The following RUNX1T1 variants were observed in gnomAD, a reference collection of about 807,000 sequenced individuals.
RUNX1T1 encodes the protein RUNX1 partner transcriptional co-repressor 1.
RUNX1T1 carries 4 observed loss-of-function variants against 62.8 expected under a neutral mutation model. That is an observed-to-expected ratio of 0.06 (90% CI 0.03 to 0.15). The LOEUF is 0.15. Among genes scored for constraint, RUNX1T1 ranks in the 10% least tolerant of loss-of-function variants. The pLI is 1.00. For missense variants in RUNX1T1, 508 were observed against 754.3 expected (o/e 0.67, Z 3.82); for synonymous variants, 291 against 286.0 (o/e 1.02, Z -0.18).
chr8:91,970,832 C>G (rs1283008384), exon 10 of RUNX1T1: 1 of 1,609,456 alleles, frequency 6.2e-7, no homozygotes, highest in Non-Finnish European at 8.5e-7. Context: ...GGCGCTTCAC[C>G]TCATTGACGG....
At chr8:92,034,868 T>C (rs370569444) in intron 1 of RUNX1T1, among the ~76,000 whole-genome samples, 20 of 126,876 alleles carry the variant, frequency 1.6e-4, no homozygotes, top group Non-Finnish European at 3.0e-4. Flanking sequence ...TTAAAAACAA[T>C]CAAATCATGT....
At chr8:92,005,486 G>C (rs1180103678) in intron 4 of RUNX1T1, 189 bp from the exon 6 acceptor site, 1 of 552,832 alleles carries the variant, frequency 1.8e-6, no homozygotes, top group Non-Finnish European at 3.1e-6. Flanking sequence ...ATTGCCCTAA[G>C]TGTGAGGTGA....
At chr8:92,040,607 G>T (rs1290109313) in intron 1 of RUNX1T1, among the ~76,000 whole-genome samples, 1 of 152,188 alleles carries the variant, frequency 6.6e-6, no homozygotes, top group African/African-American at 2.4e-5. Context: ...TGAACCAACT[G>T]GGAGTTAGGT....
chr8:92,096,450 GGA>G (rs1837754944), intron 1 of RUNX1T1, among the ~76,000 whole-genome samples: 1 of 152,348 alleles, frequency 6.6e-6, no homozygotes, highest in South Asian at 2.1e-4. Flanking sequence ...GGGTCAGGAA[GGA>G]GACACACCTG....
intron 7 of RUNX1T1, 41 bp downstream of exon 8, chr8:91,986,846 T>C: frequency 7.5e-7 from 1 of 1,335,468 alleles, no homozygotes; most frequent in Non-Finnish European, 1.1e-6. Flanking sequence ...CCAGTTGTTT[T>C]CCAAACATTT....
chr8:92,034,417 T>G (rs985509487), intron 1 of RUNX1T1, among the ~76,000 whole-genome samples: 1 of 152,098 alleles, frequency 6.6e-6, no homozygotes, highest in Non-Finnish European at 1.5e-5. Context: ...GCAGTTTCAC[T>G]AAAAGTTGAG....
At chr8:92,000,638 G>C (rs1819580470) in intron 5 of RUNX1T1, among the ~76,000 whole-genome samples, 1 of 152,094 alleles carries the variant, frequency 6.6e-6, no homozygotes, top group Non-Finnish European at 1.5e-5. Flanking sequence ...AGTTTAGTTG[G>C]TGTGTACTGT....
intron 5 of RUNX1T1, among the ~76,000 whole-genome samples, chr8:91,996,721 G>C (rs1251246872): frequency 6.6e-6 from 1 of 151,742 alleles, no homozygotes; most frequent in Non-Finnish European, 1.5e-5. Context: ...AACAAATTAA[G>C]AGACAACCTA....
rs567045128 is a variant in RUNX1T1, at chr8:92,052,174, G to T, written c.7+10372C>A. Among the ~76,000 whole-genome samples, 32 of 152,280 alleles carry T rather than the reference G, an allele frequency of 2.1e-4. No individual in the cohort carries two copies. In the South Asian group the frequency reaches 6.4e-3, roughly 31 times the overall value. On this transcript the variant is annotated intron_variant, in intron 1 of 10. Transcript: ENST00000396218. ...CAATGAAACATTTTTTAATTACATT[G>T]AATGCTTATTTATGTTGAACAGAGA...
intron 8 of RUNX1T1, among the ~76,000 whole-genome samples, chr8:91,981,617 G>A (rs758331764): frequency 7.3e-5 from 11 of 151,440 alleles, no homozygotes; most frequent in South Asian, 2.1e-4. Context: ...GGGTTTCACC[G>A]TGTTAGCCAG....
At chr8:92,101,597 C>G (rs372488100), upstream of RUNX1T1, among the ~76,000 whole-genome samples, 2 of 152,262 alleles carry the variant, frequency 1.3e-5, no homozygotes, top group Middle Eastern at 3.4e-3. Flanking sequence ...ATGGGCTGCA[C>G]GGCCGCCCAG....
intron 4 of RUNX1T1, among the ~76,000 whole-genome samples, chr8:92,007,786 A>G (rs1294100073): frequency 1.3e-5 from 2 of 152,094 alleles, no homozygotes; most frequent in Non-Finnish European, 2.9e-5. Context: ...CCTGGGCAAC[A>G]TGGTGAAACC....
intron 1 of RUNX1T1, among the ~76,000 whole-genome samples, chr8:92,018,162 CA>C (rs1384036454): frequency 6.6e-6 from 1 of 152,136 alleles, no homozygotes; most frequent in Non-Finnish European, 1.5e-5. Context: ...CAATAATGGA[CA>C]TTCATACTTC....
chr8:91,971,816 G>T (rs529887930), intron 9 of RUNX1T1, among the ~76,000 whole-genome samples: 71 of 152,228 alleles, frequency 4.7e-4, no homozygotes, highest in Admixed American at 1.4e-3. Context: ...TTTGGCTGAG[G>T]AAAGGGTGCA....
chr8:92,029,751 A>C (rs1388574712), intron 1 of RUNX1T1, among the ~76,000 whole-genome samples: 1 of 152,144 alleles, frequency 6.6e-6, no homozygotes, highest in Non-Finnish European at 1.5e-5. Flanking sequence ...ACCACACTGC[A>C]ATCTGTTTAC....
chr8:91,995,153 C>T (rs1275578525), intron 5 of RUNX1T1, among the ~76,000 whole-genome samples: 2 of 152,178 alleles, frequency 1.3e-5, no homozygotes, highest in Non-Finnish European at 2.9e-5. Context: ...ACCACCCCAA[C>T]TTACTAGTTT....
intron 2 of RUNX1T1, among the ~76,000 whole-genome samples, chr8:92,068,409 C>T (rs901436418): frequency 2.0e-5 from 3 of 152,078 alleles, no homozygotes; most frequent in Admixed American, 2.0e-4. Context: ...CTCCTCTCAG[C>T]AACAGAGACA....
downstream of RUNX1T1, chr8:91,956,989 A>C (rs1382969188): frequency 3.9e-5 from 8 of 207,146 alleles, no homozygotes; most frequent in African/African-American, 1.8e-4. Flanking sequence ...AAAAAATTTA[A>C]GAAAAAAAAA....
chr8:92,034,791 C>CGTATACAT, intron 1 of RUNX1T1, among the ~76,000 whole-genome samples: 1 of 115,578 alleles, frequency 8.7e-6, no homozygotes, highest in Non-Finnish European at 1.8e-5. Context: ...TATATATATA[C>CGTATACAT]ATATATACAC....
Sources: allele counts gnomAD v4.1 joint callset (sites outside exome capture counted in the v4.1 genomes callset), GRCh38; gene constraint gnomAD v4.1.1; transcripts MANE v1.5; gene names NCBI Gene and HGNC (gene_info 2026-07-23, HGNC 2026-07-21).